Variants in CACNA2D3 observed in about 807,000 individuals in gnomAD.
CACNA2D3 encodes the protein voltage-dependent calcium channel subunit alpha-2/delta-3.
Under a neutral mutation model 160.6 loss-of-function variants are expected in CACNA2D3, and 60 were observed. The observed-to-expected ratio is 0.37, with a 90% CI of 0.30 to 0.46. The LOEUF (loss-of-function observed/expected upper bound fraction) is 0.46, where lower values mean the gene tolerates loss of function less well. Among genes scored for constraint, CACNA2D3 ranks in the 20% least tolerant of loss-of-function variants. The probability of loss-of-function intolerance (pLI) is 1.00; values close to 1 mark genes in which losing one functional copy is unlikely to be tolerated. For missense variants in CACNA2D3, 1,205 were observed against 1,365.0 expected, an observed-to-expected ratio of 0.88 and a Z score of 1.85; for synonymous variants, 558 against 492.9, an observed-to-expected ratio of 1.13 and a Z score of -1.75.
rs994581404 is a variant in CACNA2D3, at chr3:55,073,357, G to C, written c.2988-88G>C. On this transcript the variant is annotated intron_variant, in intron 35 of 37. Transcript: ENST00000474759. ...AAAATTTGCTTTACAAAATATGGTA[G>C]TTGCTACCACCCAGGAGAGAAGTCT... is the stretch of plus-strand genomic sequence containing the variant. The C allele has an allele frequency of 5.9e-5, 54 of 921,108 alleles. No individual in the cohort carries two copies. In the South Asian group the frequency reaches 6.2e-4, roughly 11 times the overall value. 57.1% of individuals were successfully genotyped at this position (921,108 alleles called of 1,614,324 possible).
chr3:54,806,750 A>G (rs1368582950), intron 13 of CACNA2D3, among the ~76,000 whole-genome samples: 2 of 152,092 alleles, frequency 1.3e-5, no homozygotes, highest in Admixed American at 6.5e-5. Flanking sequence ...CGCCAAGTCA[A>G]TCCTAAGCCA....
At chr3:54,371,284 G>C (rs1015376761) in intron 3 of CACNA2D3, among the ~76,000 whole-genome samples, 2 of 152,074 alleles carry the variant, frequency 1.3e-5, no homozygotes, top group African/African-American at 4.8e-5. Flanking sequence ...CCTTTTGAAT[G>C]ACTTTCCAAA....
In CACNA2D3 at chr3:54,283,829, G is replaced by A. The variant is rs191084232; in HGVS notation, c.205-36613G>A. On this transcript the variant is annotated intron_variant, in intron 2 of 37. Transcript: ENST00000474759. ...CTCTGTCCCAGCACTTTGGGAGGCCGAGGCAGGTGAATCACTTGAGGTCAG... is the reference window on the plus strand; with the variant it reads ...CTCTGTCCCAGCACTTTGGGAGGCCAAGGCAGGTGAATCACTTGAGGTCAG... 3.6e-3 allele frequency among the ~76,000 whole-genome samples: 549 copies of A among 152,192 alleles called. 1 individual carries two copies. The highest frequency in any genetic ancestry group is 7.3e-3 in the Admixed American group (111 of 15,284).
chr3:54,605,106 G>T (rs896997588), intron 9 of CACNA2D3, among the ~76,000 whole-genome samples: 1 of 152,048 alleles, frequency 6.6e-6, no homozygotes, highest in Non-Finnish European at 1.5e-5. Flanking sequence ...TATAATTCCT[G>T]TCCTCTGTCT....
intron 9 of CACNA2D3, among the ~76,000 whole-genome samples, chr3:54,599,210 G>A (rs915394714): frequency 6.6e-6 from 1 of 152,126 alleles, no homozygotes; most frequent in African/African-American, 2.4e-5. Flanking sequence ...ACTTTCCACA[G>A]CCTCATCTTG....
Position 54,284,207 on chromosome 3 carries a change from T to G in CACNA2D3, c.205-36235T>G, listed in dbSNP as rs574825421. ...GGGTGCAGCACACCAACATGGCACA[T>G]GTATACATATGTAACAAACCTGCAA... On this transcript the variant is annotated intron_variant, in intron 2 of 37. Coordinates refer to ENST00000474759, the MANE Select transcript of CACNA2D3 (RefSeq NM_018398.3). Among the ~76,000 whole-genome samples the G allele has an allele frequency of 3.3e-5, 5 of 152,230 alleles. No homozygotes were observed. In the South Asian group the frequency reaches 8.3e-4, roughly 25 times the overall value.
At chr3:54,719,446 T>C (rs1361201269) in intron 11 of CACNA2D3, among the ~76,000 whole-genome samples, 1 of 151,996 alleles carries the variant, frequency 6.6e-6, no homozygotes, top group African/African-American at 2.4e-5. Flanking sequence ...TTTAATGTCA[T>C]GGATTACATT....
intron 30 of CACNA2D3, among the ~76,000 whole-genome samples, chr3:54,985,473 C>T (rs1048026452): frequency 2.0e-5 from 3 of 152,112 alleles, no homozygotes; most frequent in Non-Finnish European, 4.4e-5. Flanking sequence ...AATAAAGTAA[C>T]GCCATCACAG....
intron 4 of CACNA2D3, among the ~76,000 whole-genome samples, chr3:54,461,010 CT>C (rs1320433305): frequency 6.7e-6 from 1 of 148,354 alleles, no homozygotes; most frequent in African/African-American, 2.6e-5. Flanking sequence ...TGTCAAAGGC[CT>C]TTTCTGCATC....
intron 11 of CACNA2D3, among the ~76,000 whole-genome samples, chr3:54,752,078 C>A (rs1397530189): frequency 6.6e-6 from 1 of 152,180 alleles, no homozygotes; most frequent in African/African-American, 2.4e-5. Context: ...GATCTCCTGG[C>A]CACAGGCTGT....
chr3:54,768,325 C>T (rs924915383), intron 13 of CACNA2D3, among the ~76,000 whole-genome samples: 1 of 152,180 alleles, frequency 6.6e-6, no homozygotes, highest in South Asian at 2.1e-4. Context: ...ACACATCACA[C>T]TTATGTATTG....
chr3:54,886,622 T>C (rs1010697111), intron 23 of CACNA2D3, among the ~76,000 whole-genome samples: 1 of 152,198 alleles, frequency 6.6e-6, no homozygotes, highest in Non-Finnish European at 1.5e-5. Context: ...TTCATTATTC[T>C]CAATAATTTA....
chr3:55,000,546 G>A (rs886570752), intron 31 of CACNA2D3, among the ~76,000 whole-genome samples: 1 of 152,170 alleles, frequency 6.6e-6, no homozygotes, highest in African/African-American at 2.4e-5. Context: ...TTCTGCGCAT[G>A]TATACTATAA....
In CACNA2D3 at chr3:54,357,181, C is replaced by A. The variant is rs76023044; in HGVS notation, c.322-29534C>A. On this transcript the variant is annotated intron_variant, in intron 3 of 37. Coordinates refer to ENST00000474759, the MANE Select transcript of CACNA2D3 (RefSeq NM_018398.3). Reference sequence around the variant, plus strand: ...GTTCGCCACTCTGTTTTCCATGGCACCATGTTGCCCAAAGCATGGGAGGGA... The same window carrying A: ...GTTCGCCACTCTGTTTTCCATGGCAACATGTTGCCCAAAGCATGGGAGGGA... Among the ~76,000 whole-genome samples the A allele has an allele frequency of 6.7e-3, 1,016 of 152,242 alleles. 7 individuals are homozygous for A. Among genetic ancestry groups the A allele is most frequent in the African/African-American group, 0.023 (952 of 41,534 alleles).
At chr3:54,183,831 G>A in intron 2 of CACNA2D3, among the ~76,000 whole-genome samples, 1 of 140,808 alleles carries the variant, frequency 7.1e-6, no homozygotes, top group East Asian at 2.3e-4. Flanking sequence ...TTTGCAGTGA[G>A]CTGAGATTGC....
chr3:54,187,713 C>G (rs1700901801), intron 2 of CACNA2D3, among the ~76,000 whole-genome samples: 2 of 152,098 alleles, frequency 1.3e-5, no homozygotes, highest in Admixed American at 6.5e-5. Flanking sequence ...TGAAACTGTT[C>G]CGTCTCAGAT....
intron 2 of CACNA2D3, among the ~76,000 whole-genome samples, chr3:54,199,680 T>C (rs1368993580): frequency 2.6e-5 from 4 of 152,164 alleles, no homozygotes; most frequent in Non-Finnish European, 2.9e-5. Flanking sequence ...TTAATGGTCA[T>C]TGAAAGAACA....
At chr3:54,752,457 T>C (rs1575457735) in intron 11 of CACNA2D3, 142 bp from the exon 12 acceptor site, 1 of 633,222 alleles carries the variant, frequency 1.6e-6, no homozygotes, top group East Asian at 2.8e-5. Context: ...TGACTATACT[T>C]CAGATGTCTT....
chr3:54,806,807 T>A (rs529240290), intron 13 of CACNA2D3, among the ~76,000 whole-genome samples: 1 of 151,982 alleles, frequency 6.6e-6, no homozygotes, highest in Non-Finnish European at 1.5e-5. Flanking sequence ...CAAACTATAC[T>A]ACAAGGCTAC....
Sources: gnomAD v4.1 joint callset for allele counts (sites outside exome capture counted in the v4.1 genomes callset) on GRCh38, gnomAD v4.1.1 for gene constraint, MANE v1.5 for transcripts, NCBI Gene and HGNC (gene_info 2026-07-23, HGNC 2026-07-21) for gene names.